CYB5B: variants seen among roughly 807,000 people sequenced by gnomAD.
CYB5B encodes the protein cytochrome b5 type B, also known as cytochrome b5 type B (outer mitochondrial membrane).
CYB5B carries 14 observed loss-of-function variants against 21.3 expected under a neutral mutation model. The observed-to-expected ratio is 0.66, with a 90% CI of 0.43 to 1.03. CYB5B has a LOEUF of 1.03. CYB5B is among the 50% of genes least tolerant of loss of function. The pLI, the probability that CYB5B is intolerant of heterozygous loss-of-function variation, is 0.00. For synonymous variants in CYB5B, 69 were observed against 68.4 expected (o/e 1.01, Z -0.04); for missense variants, 166 against 185.1 (o/e 0.90, Z 0.60).
intron 3 of CYB5B, among the ~76,000 whole-genome samples, chr16:69,451,737 G>T (rs991037425): frequency 2.0e-5 from 3 of 151,808 alleles, no homozygotes; most frequent in Non-Finnish European, 4.4e-5. Context: ...GGATCACGAG[G>T]TCAGGAGATA....
chr16:69,464,003 G>A lies in CYB5B; in HGVS notation c.*1483G>A, dbSNP rs1012368447. 2 of 152,134 alleles carry A rather than the reference G, an allele frequency of 1.3e-5. No individual in the cohort carries two copies. Among genetic ancestry groups the A allele is most frequent in the African/African-American group, 4.8e-5 (2 of 41,414 alleles). The allele number at this position is 152,134 out of a possible 1,614,324, so 9.4% of individuals were successfully genotyped here. ...CCTGTCCTTTGAGAATTGCTAGTCT[G>A]CTTCTGAGCCATTGTCATATCCAGC... On this transcript the variant is annotated 3_prime_UTR_variant, in exon 5 of 5. Transcript: ENST00000307892.
At chr16:69,447,979 C>A in intron 2 of CYB5B, 136 bp from the exon 3 acceptor site, 1 of 865,630 alleles carries the variant, frequency 1.2e-6, no homozygotes, top group Non-Finnish European at 1.8e-6. Flanking sequence ...AGGTATCTTT[C>A]TATGGATCCT....
In CYB5B at chr16:69,462,432, G is replaced by A. The variant is rs1280809448; in HGVS notation, c.365G>A (p.Cys122Tyr). Residue 122 changes from cysteine to tyrosine, a missense_variant and splice_region_variant, in exon 5 of 5, where the codon TGC becomes TAC. Physicochemically the swap from Cys to Tyr is radical, Grantham distance 194. Coordinates refer to ENST00000307892, the MANE Select transcript of CYB5B (RefSeq NM_030579.3). ...TTGCTTTCTCCCCCTATTCCTAGTT[G>A]CTGGGCATATTGGATTTTACCCATC... ...DPSKNDTCKS[C>Y]WAYWILPIIG... 1.2e-6 allele frequency: 2 copies of A among 1,612,694 alleles called. No individual in the cohort carries two copies. The highest frequency in any genetic ancestry group is 1.7e-5 in the Admixed American group (1 of 60,018).
At position 69,464,346 on chromosome 16, in the gene CYB5B, T is replaced by C. The variant is rs1023780188; in HGVS notation, c.*1826T>C. 6.6e-6 allele frequency: 1 copy of C among 152,358 alleles called. No individual in the cohort carries two copies. The highest frequency in any genetic ancestry group is 2.1e-4 in the South Asian group (1 of 4,834). The allele number at this position is 152,358 out of a possible 1,614,324, so 9.4% of individuals were successfully genotyped here. On this transcript the variant is annotated 3_prime_UTR_variant, in exon 5 of 5. Transcript: ENST00000307892. ...AAAGCTTTTATCTTTAGAAAAATGTTTGTATGCATTATAAGATGCTACTTT... is the reference window on the plus strand; with the variant it reads ...AAAGCTTTTATCTTTAGAAAAATGTCTGTATGCATTATAAGATGCTACTTT...
rs1214465929 is a variant in CYB5B, at chr16:69,451,942, CAAA to C, written c.333+3817_333+3819del. 2.3e-4 allele frequency among the ~76,000 whole-genome samples: 15 copies of C among 64,684 alleles called. No individual in the cohort carries two copies. The East Asian group carries it at 3.6e-3, about 15-fold the overall frequency. 42.4% of individuals were successfully genotyped at this position (64,684 alleles called of 152,430 possible). The stretch of plus-strand genomic sequence containing the variant: ...TGGGCGACAAAGCGAGACGCCGTCT[CAAA>C]AAAAAAAAAAAAAAAAAATTCCCTC... On this transcript the variant is annotated intron_variant, in intron 3 of 4. Transcript: ENST00000307892.
At chr16:69,431,492 C>T (rs565775002) in intron 1 of CYB5B, among the ~76,000 whole-genome samples, 3 of 151,892 alleles carry the variant, frequency 2.0e-5, no homozygotes, top group African/African-American at 7.3e-5. Flanking sequence ...CAAAACAAAG[C>T]TGGGTGCAGT....
chr16:69,438,304 TA>T (rs1255737890), intron 1 of CYB5B, among the ~76,000 whole-genome samples: 1 of 152,206 alleles, frequency 6.6e-6, no homozygotes, highest in Non-Finnish European at 1.5e-5. Context: ...TTCATCTGTT[TA>T]TAGGCATGGG....
chr16:69,453,768 A>G (rs2014957685), intron 3 of CYB5B, among the ~76,000 whole-genome samples: 2 of 152,146 alleles, frequency 1.3e-5, no homozygotes, highest in Admixed American at 1.3e-4. Flanking sequence ...CATGTTGGCC[A>G]GGCTGGTCTC....
At position 69,446,804 on chromosome 16, in the gene CYB5B, G is replaced by T. The variant is rs573942236; in HGVS notation, c.175-346G>T. Among the ~76,000 whole-genome samples the T allele has an allele frequency of 2.0e-5, 3 of 152,244 alleles. No homozygotes were observed. The South Asian group carries it at 6.2e-4, about 32-fold the overall frequency. ...TATTCCCAGTTGTCATGAATCTCTAGCCTCCTTCAATCTGGAACAGTTTCT... is the reference window on the plus strand; with the variant it reads ...TATTCCCAGTTGTCATGAATCTCTATCCTCCTTCAATCTGGAACAGTTTCT... On this transcript the variant is annotated intron_variant, in intron 1 of 4. Coordinates refer to ENST00000307892, the MANE Select transcript of CYB5B (RefSeq NM_030579.3).
chr16:69,454,273 T>A (rs1446378488), intron 3 of CYB5B, among the ~76,000 whole-genome samples: 1 of 152,228 alleles, frequency 6.6e-6, no homozygotes, highest in Non-Finnish European at 1.5e-5. Context: ...GAAATTTTTT[T>A]ATATAACGGT....
chr16:69,446,133 G>A (rs2014875822), intron 1 of CYB5B, among the ~76,000 whole-genome samples: 1 of 152,044 alleles, frequency 6.6e-6, no homozygotes, highest in African/African-American at 2.4e-5. Context: ...CTTCTGGAGT[G>A]CAAAGTGTTT....
chr16:69,430,379 C>T (rs1487626221), intron 1 of CYB5B, among the ~76,000 whole-genome samples: 1 of 151,996 alleles, frequency 6.6e-6, no homozygotes, highest in Admixed American at 6.6e-5. Context: ...CCACACCCTG[C>T]TAATTTTTTT....
intron 3 of CYB5B, among the ~76,000 whole-genome samples, chr16:69,457,170 C>T (rs916334609): frequency 4.6e-5 from 7 of 152,104 alleles, no homozygotes; most frequent in Non-Finnish European, 7.4e-5. Context: ...CAGCATAGTA[C>T]GGTTTTGGCT....
chr16:69,457,629 A>G (rs931382058), intron 3 of CYB5B, among the ~76,000 whole-genome samples: 4 of 152,196 alleles, frequency 2.6e-5, no homozygotes, highest in Admixed American at 2.0e-4. Flanking sequence ...GTATTTTTCA[A>G]AGATTGACTT....
chr16:69,461,004 T>TGGA (rs2015029881), intron 4 of CYB5B, among the ~76,000 whole-genome samples: 1 of 152,144 alleles, frequency 6.6e-6, no homozygotes, highest in Admixed American at 6.5e-5. Flanking sequence ...TCAACCATTC[T>TGGA]CAGTCTTTTG....
intron 3 of CYB5B, among the ~76,000 whole-genome samples, chr16:69,456,663 G>T (rs1451494235): frequency 6.6e-6 from 1 of 152,158 alleles, no homozygotes; most frequent in Non-Finnish European, 1.5e-5. Context: ...AGCTAGATAT[G>T]CCTCAATACC....
At chr16:69,440,140 C>T (rs1179661376) in intron 1 of CYB5B, among the ~76,000 whole-genome samples, 1 of 152,078 alleles carries the variant, frequency 6.6e-6, no homozygotes, top group Non-Finnish European at 1.5e-5. Context: ...TTCCCAAAGT[C>T]CTGGGATTAT....
At chr16:69,454,212 A>C (rs1302221080) in intron 3 of CYB5B, among the ~76,000 whole-genome samples, 1 of 152,108 alleles carries the variant, frequency 6.6e-6, no homozygotes, top group East Asian at 1.9e-4. Flanking sequence ...AGTTTATAGC[A>C]ATTTGTTTTA....
rs531765759 is a variant in CYB5B at position 69,436,134 on chromosome 16, C to T, written c.175-11016C>T. ...CATGGCATGCACTCACATGTGTGTT[C>T]GCGCTTGTGAGCAGTGTGTGTGCTC... On this transcript the variant is annotated intron_variant, in intron 1 of 4. Transcript: ENST00000307892. Among the ~76,000 whole-genome samples, 12 of 152,286 alleles carry T rather than the reference C, an allele frequency of 7.9e-5. No individual in the cohort carries two copies. In the South Asian group the frequency reaches 1.9e-3, roughly 24 times the overall value.
Sources: gnomAD v4.1 joint callset for allele counts (sites outside exome capture counted in the v4.1 genomes callset) on GRCh38, gnomAD v4.1.1 for gene constraint, MANE v1.5 for transcripts, NCBI Gene and HGNC (gene_info 2026-07-23, HGNC 2026-07-21) for gene names.